The following IL34 variants were observed in gnomAD, a reference collection of about 807,000 sequenced individuals.
IL34 encodes the protein interleukin-34.
Under a neutral mutation model 25.3 loss-of-function variants are expected in IL34, and 17 were observed. The observed-to-expected ratio is 0.67, with a 90% CI of 0.46 to 1.01. The LOEUF is 1.01. IL34 is among the 50% of genes least tolerant of loss of function. The pLI is 0.00. For missense variants in IL34, 368 were observed against 312.9 expected, an observed-to-expected ratio of 1.18 and a Z score of -1.33; for synonymous variants, 174 against 140.9, an observed-to-expected ratio of 1.23 and a Z score of -1.66.
intron 2 of IL34, 65 bp downstream of exon 2, chr16:70,654,736 C>G (rs563376222): frequency 6.5e-7 from 1 of 1,529,664 alleles, no homozygotes; most frequent in Admixed American, 1.9e-5. Flanking sequence ...GCATAGGCCT[C>G]TGGACATTCA....
chr16:70,620,829 G>C (rs1055281210), intron 1 of IL34, among the ~76,000 whole-genome samples: 5 of 152,238 alleles, frequency 3.3e-5, no homozygotes, highest in African/African-American at 1.2e-4. Flanking sequence ...AAGGCACTTA[G>C]GTTTTAGGTC....
chr16:70,655,568 T>A (rs2052197395), intron 2 of IL34, among the ~76,000 whole-genome samples: 1 of 152,026 alleles, frequency 6.6e-6, no homozygotes. Context: ...AAACTTTTTT[T>A]TTGAGTAGAG....
intron 4 of IL34, chr16:70,657,334 G>C (rs913425435): frequency 2.3e-5 from 13 of 569,920 alleles, no homozygotes; most frequent in Middle Eastern, 9.3e-4. Flanking sequence ...GCCGGGCTCG[G>C]GGTGCAGGCG....
At chr16:70,617,778 C>G (rs910607461) in intron 1 of IL34, among the ~76,000 whole-genome samples, 2 of 151,674 alleles carry the variant, frequency 1.3e-5, no homozygotes, top group African/African-American at 4.8e-5. Context: ...TGAAAAACTG[C>G]TTGGCTGATT....
chr16:70,619,432 GC>G (rs1275296005), intron 1 of IL34, among the ~76,000 whole-genome samples: 1 of 152,104 alleles, frequency 6.6e-6, no homozygotes, highest in Non-Finnish European at 1.5e-5. Context: ...GAGTATCTCG[GC>G]CTAATAAGGG....
At chr16:70,641,103 C>G (rs8064109) in intron 1 of IL34, among the ~76,000 whole-genome samples, 14,129 of 151,736 alleles carry the variant, frequency 0.093, 2,182 homozygotes, top group African/African-American at 0.32. Flanking sequence ...GAAATCCTGT[C>G]TCTACTAAAC....
chr16:70,610,632 C>T (rs768665295), intron 1 of IL34, among the ~76,000 whole-genome samples: 11 of 152,250 alleles, frequency 7.2e-5, no homozygotes, highest in Admixed American at 2.6e-4. Flanking sequence ...TGGAAAGTGC[C>T]GCAGAGGGAG....
chr16:70,625,650 G>T (rs916580118), intron 1 of IL34, among the ~76,000 whole-genome samples: 4 of 152,152 alleles, frequency 2.6e-5, no homozygotes, highest in Admixed American at 6.5e-5. Flanking sequence ...TCCCTGCAAT[G>T]ATTAAACACC....
chr16:70,650,041 C>T (rs566597847), intron 1 of IL34, among the ~76,000 whole-genome samples: 12 of 152,232 alleles, frequency 7.9e-5, no homozygotes, highest in South Asian at 6.2e-4. Context: ...TCAGGTGATC[C>T]GCCCACCTCG....
chr16:70,643,167 A>T (rs2051827441), upstream of IL34, among the ~76,000 whole-genome samples: 1 of 151,896 alleles, frequency 6.6e-6, no homozygotes, highest in South Asian at 2.1e-4. Flanking sequence ...GGTTCAAGTG[A>T]TTCTCCTGCC....
At chr16:70,601,401 C>G (rs1424355541) in intron 1 of IL34, among the ~76,000 whole-genome samples, 1 of 152,066 alleles carries the variant, frequency 6.6e-6, no homozygotes, top group African/African-American at 2.4e-5. Flanking sequence ...CCCACCAAGC[C>G]TAGCCTGATT....
At chr16:70,646,050 G>A (rs564906096), upstream of IL34, among the ~76,000 whole-genome samples, 26 of 152,034 alleles carry the variant, frequency 1.7e-4, 1 homozygote, top group South Asian at 3.5e-3. Context: ...CTGAGACTCC[G>A]TCTCAAAAAA....
At position 70,620,188 on chromosome 16, in the gene IL34, T is replaced by C. The variant is rs899245363; in HGVS notation, c.-400-26360T>C. Reference sequence around the variant, plus strand: ...AATAAAATGTATTTTGAGAATAAGATGGCCTTTTGACCTTTTAGGGTCTAG... The same window carrying C: ...AATAAAATGTATTTTGAGAATAAGACGGCCTTTTGACCTTTTAGGGTCTAG... On this transcript the variant is annotated intron_variant, in intron 1 of 6. Transcript: ENST00000429149. Among the ~76,000 whole-genome samples, 81 of 152,200 alleles carry C rather than the reference T, an allele frequency of 5.3e-4. 1 individual carries two copies. Among genetic ancestry groups the C allele is most frequent in the Non-Finnish European group, 9.6e-4 (65 of 68,038 alleles).
In IL34 at chr16:70,633,765, C is replaced by T. The variant is rs533758437; in HGVS notation, c.-400-12783C>T. Reference sequence around the variant, plus strand: ...GGGAGGATCTTTTCCTGTCTCTTCCCAGGTTCTGGTGTACAATTCCTGGTG... The same window carrying T: ...GGGAGGATCTTTTCCTGTCTCTTCCTAGGTTCTGGTGTACAATTCCTGGTG... On this transcript the variant is annotated intron_variant, in intron 1 of 6. Coordinates refer to the IL34 transcript ENST00000429149. Among the ~76,000 whole-genome samples, 18 of 152,226 alleles carry T rather than the reference C, an allele frequency of 1.2e-4. No individual in the cohort carries two copies. In the South Asian group the frequency reaches 3.7e-3, roughly 32 times the overall value.
chr16:70,626,241 GTC>G lies in IL34; in HGVS notation c.-400-20303_-400-20302del, dbSNP rs1425847374. On this transcript the variant is annotated intron_variant, in intron 1 of 6. Coordinates refer to the IL34 transcript ENST00000429149. ...ATATAAATTGCATTCAGTTTAGTGT[GTC>G]TCTTTTATTTTATTAATTTTTTGTT... Among the ~76,000 whole-genome samples the G allele has an allele frequency of 3.9e-5, 6 of 152,150 alleles. No individual in the cohort carries two copies. The South Asian group carries it at 1.2e-3, about 32-fold the overall frequency.
At chr16:70,646,365 C>G (rs2051928795), upstream of IL34, among the ~76,000 whole-genome samples, 1 of 152,190 alleles carries the variant, frequency 6.6e-6, no homozygotes, top group Non-Finnish European at 1.5e-5. Context: ...CTGGTGTCAT[C>G]ATAACTCACT....
At chr16:70,583,276 C>A (rs1597731681) in intron 1 of IL34, among the ~76,000 whole-genome samples, 1 of 151,958 alleles carries the variant, frequency 6.6e-6, no homozygotes, top group Non-Finnish European at 1.5e-5. Flanking sequence ...CCATGCCTGG[C>A]TAACTTTTGT....
intron 4 of IL34, chr16:70,657,424 C>T: frequency 3.2e-6 from 1 of 310,412 alleles, no homozygotes; most frequent in Non-Finnish European, 6.0e-6. Context: ...TTTGTTTCTG[C>T]AACACGAGGG....
intron 1 of IL34, among the ~76,000 whole-genome samples, chr16:70,600,634 C>T (rs901370662): frequency 6.6e-6 from 1 of 152,204 alleles, no homozygotes; most frequent in African/African-American, 2.4e-5. Flanking sequence ...AGTTTCCCCA[C>T]ATCTTTCTCA....
Sources: gnomAD v4.1 joint callset for allele counts (sites outside exome capture counted in the v4.1 genomes callset) on GRCh38, gnomAD v4.1.1 for gene constraint, MANE v1.5 for transcripts, NCBI Gene and HGNC (gene_info 2026-07-23, HGNC 2026-07-21) for gene names.